Variants in STK26 observed in about 807,000 individuals in gnomAD.
STK26 encodes serine/threonine-protein kinase 26.
In STK26, 14 loss-of-function variants were observed where a neutral mutation model predicts 34.7. That is an observed-to-expected ratio of 0.40 (90% CI 0.27 to 0.63). STK26 has a LOEUF of 0.63. STK26 is among the 30% of genes least tolerant of loss of function. The probability of loss-of-function intolerance (pLI) is 0.38; values close to 1 mark genes in which losing one functional copy is unlikely to be tolerated. For missense variants in STK26, 226 were observed against 309.1 expected (o/e 0.73, Z 2.02); for synonymous variants, 100 against 109.8 (o/e 0.91, Z 0.56).
chrX:132,026,398 A>T (rs1272956549), intron 2 of STK26, among the ~76,000 whole-genome samples: 2 of 112,084 alleles, frequency 1.8e-5, no homozygotes, highest in Non-Finnish European at 3.8e-5. Flanking sequence ...TGTTGAGGGT[A>T]TGAAGTTTTT....
Position 132,069,605 on chromosome X carries a change from A to G in STK26, c.725A>G (p.Asp242Gly). Reference protein sequence around the residue: ...PKNNPPTLVGDFTKSFKEFID... With the variant: ...PKNNPPTLVGGFTKSFKEFID... ...AACAATCCTCCAACTCTTGTTGGAG[A>G]CTTTACTAAGTCTTTTAAGGAGTTT... Residue 242 changes from aspartate to glycine, a missense_variant, in exon 7 of 12, where the codon GAC becomes GGC. Around this residue, in one of 2 missense-constraint regions of STK26, gnomAD observed 126 missense variants for 132.4 expected, o/e 0.95. Coordinates refer to ENST00000394334, the MANE Select transcript of STK26 (RefSeq NM_016542.4). 8.6e-7 allele frequency: 1 copy of G among 1,169,574 alleles called. No homozygotes were observed. Among genetic ancestry groups the G allele is most frequent in the South Asian group, 2.0e-5 (1 of 49,437 alleles).
At chrX:132,040,671 G>A (rs1275781112) in intron 2 of STK26, among the ~76,000 whole-genome samples, 1 of 111,825 alleles carries the variant, frequency 8.9e-6, no homozygotes, top group Non-Finnish European at 1.9e-5. Context: ...ACATCTATTA[G>A]AGAAGGAAAG....
chrX:132,047,579 T>G (rs1926541108), intron 2 of STK26, among the ~76,000 whole-genome samples: 1 of 111,097 alleles, frequency 9.0e-6, no homozygotes, highest in Non-Finnish European at 1.9e-5. Context: ...AATCATGATA[T>G]GGAATGGCAT....
chrX:132,071,557 G>A (rs1199500354), intron 8 of STK26, among the ~76,000 whole-genome samples: 1 of 111,823 alleles, frequency 8.9e-6, no homozygotes. Context: ...TACTTTGATG[G>A]CAACCTGCAA....
intron 8 of STK26, 131 bp from the exon 9 acceptor site, chrX:132,072,137 T>TG (rs1442865031): frequency 2.6e-5 from 13 of 501,418 alleles, no homozygotes; most frequent in African/African-American, 4.8e-5. Flanking sequence ...TGAGATCAGA[T>TG]GCTTTTTTGC....
At chrX:132,028,687 G>C (rs1202122727) in intron 2 of STK26, among the ~76,000 whole-genome samples, 1 of 111,174 alleles carries the variant, frequency 9.0e-6, no homozygotes, top group Non-Finnish European at 1.9e-5. Context: ...GAAAAGTAAG[G>C]GTGTAAGAAA....
intron 2 of STK26, among the ~76,000 whole-genome samples, chrX:132,038,685 G>A (rs886224268): frequency 1.8e-5 from 2 of 110,960 alleles, no homozygotes; most frequent in Non-Finnish European, 3.8e-5. Context: ...GGGAGCGGGG[G>A]GCTAAAGAGG....
chrX:132,051,174 A>C (rs1020235898), intron 2 of STK26, among the ~76,000 whole-genome samples: 6 of 111,958 alleles, frequency 5.4e-5, no homozygotes, highest in African/African-American at 1.9e-4. Flanking sequence ...CAAGATGTTC[A>C]CCTAACATTG....
At chrX:132,072,087 C>T (rs1477241174) in intron 8 of STK26, among the ~76,000 whole-genome samples, 181 bp from the exon 9 acceptor site, 2 of 111,468 alleles carry the variant, frequency 1.8e-5, no homozygotes, top group Non-Finnish European at 3.8e-5. Context: ...AGAACCACTC[C>T]ACTACTACTC....
chrX:132,044,787 T>TTA lies in STK26; in HGVS notation c.43-9835_43-9834dup, dbSNP rs1294929869. The stretch of plus-strand genomic sequence containing the variant: ...TATATAGAGAGATCTATATATATAT[T>TTA]TATATATATAGAGAGAGATCTATAT... On this transcript the variant is annotated intron_variant, in intron 2 of 11. Coordinates refer to ENST00000394334, the MANE Select transcript of STK26 (RefSeq NM_016542.4). 9.9e-4 allele frequency among the ~76,000 whole-genome samples: 34 copies of TTA among 34,272 alleles called. 2 individuals are homozygous for TTA. The highest frequency in any genetic ancestry group is 1.3e-3 in the East Asian group (2 of 1,540). 29.8% of individuals were successfully genotyped at this position (34,272 alleles called of 115,157 possible).
intron 3 of STK26, among the ~76,000 whole-genome samples, chrX:132,061,348 A>G (rs769744487): frequency 4.5e-5 from 5 of 112,067 alleles, no homozygotes; most frequent in East Asian, 5.6e-4. Context: ...CAGAGTCACA[A>G]TTCTCAGGTT....
intron 2 of STK26, among the ~76,000 whole-genome samples, chrX:132,036,308 A>T (rs1466901188): frequency 5.3e-5 from 6 of 112,654 alleles, no homozygotes; most frequent in Non-Finnish European, 7.5e-5. Context: ...CTCTTAAAAA[A>T]TTTTGGCTGG....
chrX:132,066,372 G>A (rs1927222423), intron 4 of STK26, among the ~76,000 whole-genome samples: 1 of 112,120 alleles, frequency 8.9e-6, no homozygotes, highest in South Asian at 3.7e-4. Flanking sequence ...GGACTGGCTG[G>A]AAGTTAAATT....
At chrX:132,058,577 T>C (rs983167107) in intron 3 of STK26, among the ~76,000 whole-genome samples, 2 of 111,268 alleles carry the variant, frequency 1.8e-5, no homozygotes, top group Non-Finnish European at 3.8e-5. Context: ...AGATTTCATA[T>C]AGAGTGTTTT....
chrX:132,038,716 G>A (rs1403860508), intron 2 of STK26, among the ~76,000 whole-genome samples: 1 of 110,755 alleles, frequency 9.0e-6, no homozygotes, highest in East Asian at 2.8e-4. Context: ...TAAAATGACT[G>A]GACTTAATAT....
chrX:132,036,532 T>C (rs909354054), intron 2 of STK26, among the ~76,000 whole-genome samples: 1 of 111,514 alleles, frequency 9.0e-6, no homozygotes, highest in African/African-American at 3.3e-5. Context: ...GAGGCGGAGG[T>C]TGCAGTGAGC....
intron 3 of STK26, among the ~76,000 whole-genome samples, chrX:132,056,831 C>T (rs888810748): frequency 1.1e-4 from 12 of 112,599 alleles, no homozygotes; most frequent in Non-Finnish European, 1.9e-4. Flanking sequence ...AGCATAGGCA[C>T]GCTCAGAGGG....
At chrX:132,064,692 G>C (rs781106887) in intron 4 of STK26, among the ~76,000 whole-genome samples, 15 of 111,244 alleles carry the variant, frequency 1.3e-4, no homozygotes, top group Non-Finnish European at 2.1e-4. Flanking sequence ...CAAAGAAGTT[G>C]CACTAAGTTA....
chrX:132,028,804 G>A (rs992727495), intron 2 of STK26, among the ~76,000 whole-genome samples: 10 of 111,552 alleles, frequency 9.0e-5, no homozygotes, highest in Non-Finnish European at 1.3e-4. Context: ...ACAGTCATCC[G>A]GAAACCTACA....
Sources: allele counts gnomAD v4.1 joint callset (sites outside exome capture counted in the v4.1 genomes callset), GRCh38; gene constraint gnomAD v4.1.1; regional missense constraint gnomAD v4.1.1; transcripts MANE v1.5; gene names NCBI Gene and HGNC (gene_info 2026-07-23, HGNC 2026-07-21).